The following ITGA1 variants were observed in gnomAD, a reference collection of about 807,000 sequenced individuals.
The protein encoded by ITGA1 is integrin subunit alpha 1, also known as integrin alpha-1.
Under a neutral mutation model 145.9 loss-of-function variants are expected in ITGA1, and 85 were observed. That is an observed-to-expected ratio of 0.58 (90% CI 0.49 to 0.70). ITGA1 has a LOEUF of 0.70. Among genes scored for constraint, ITGA1 ranks in the 30% least tolerant of loss-of-function variants. The pLI, the probability that ITGA1 is intolerant of heterozygous loss-of-function variation, is 0.00. For missense variants in ITGA1, 1,351 were observed against 1,418.7 expected, an observed-to-expected ratio of 0.95 and a Z score of 0.77; for synonymous variants, 520 against 495.3, an observed-to-expected ratio of 1.05 and a Z score of -0.66.
At chr5:52,871,470 A>G (rs879866838) in intron 6 of ITGA1, among the ~76,000 whole-genome samples, 3 of 152,174 alleles carry the variant, frequency 2.0e-5, no homozygotes, top group Non-Finnish European at 4.4e-5. Flanking sequence ...GATTAGTTAC[A>G]CATTTGGTAC....
chr5:52,817,239 G>C (rs193267364), intron 1 of ITGA1, among the ~76,000 whole-genome samples: 51 of 152,272 alleles, frequency 3.3e-4, no homozygotes, highest in African/African-American at 1.2e-3. Context: ...GAATACCAGA[G>C]GTAGAGAAGG....
chr5:52,849,241 T>A (rs1749387887), intron 1 of ITGA1, 124 bp from the exon 2 acceptor site: 1 of 792,030 alleles, frequency 1.3e-6, no homozygotes, highest in African/African-American at 1.7e-5. Flanking sequence ...TTTTCATTCT[T>A]TGAGCTTCTT....
In ITGA1 at chr5:52,939,824, C is replaced by G. The variant is rs374902653; in HGVS notation, c.3181-16C>G. The G allele has an allele frequency of 1.3e-6, 2 of 1,538,314 alleles. No individual in the cohort carries two copies. Among genetic ancestry groups the G allele is most frequent in the African/African-American group, 1.4e-5 (1 of 73,450 alleles). ...ACGGCAAGAATACTGATATGTATCTCTGGACATTTAAACAGGACTGCAATA... is the reference window on the plus strand; with the variant it reads ...ACGGCAAGAATACTGATATGTATCTGTGGACATTTAAACAGGACTGCAATA... On this transcript the variant is annotated splice_polypyrimidine_tract_variant and intron_variant, in intron 25 of 28. Transcript: ENST00000282588.
At chr5:52,803,925 G>GT (rs1157656724) in intron 1 of ITGA1, 2 of 152,136 alleles carry the variant, frequency 1.3e-5, no homozygotes, top group Admixed American at 6.5e-5. Context: ...AAAGATTTGA[G>GT]TATTAAGGTC....
At chr5:52,835,792 CA>C (rs1749153411) in intron 1 of ITGA1, among the ~76,000 whole-genome samples, 1 of 152,080 alleles carries the variant, frequency 6.6e-6, no homozygotes, top group Non-Finnish European at 1.5e-5. Context: ...AGATTCAAAT[CA>C]CAACTTAAAA....
chr5:52,872,305 T>A (rs1471534191), intron 6 of ITGA1, among the ~76,000 whole-genome samples: 1 of 152,132 alleles, frequency 6.6e-6, no homozygotes, highest in Non-Finnish European at 1.5e-5. Flanking sequence ...CTGCTTACAG[T>A]TTCCGAATGT....
chr5:52,847,754 C>A (rs1749360203), intron 1 of ITGA1, among the ~76,000 whole-genome samples: 1 of 152,194 alleles, frequency 6.6e-6, no homozygotes, highest in Admixed American at 6.5e-5. Context: ...GGGATTTCAT[C>A]CTGTTGACCA....
At chr5:52,824,726 C>T (rs1748934237) in intron 1 of ITGA1, 1 of 152,120 alleles carries the variant, frequency 6.6e-6, no homozygotes, top group Admixed American at 6.6e-5. Flanking sequence ...AGAGAAGATA[C>T]TTTTAAATTT....
intron 1 of ITGA1, chr5:52,800,791 T>C: frequency 6.2e-7 from 1 of 1,613,526 alleles, no homozygotes; most frequent in Non-Finnish European, 8.5e-7. Context: ...TGACCCAGCC[T>C]GGAGCGCTGA....
intron 12 of ITGA1, 71 bp downstream of exon 12, chr5:52,905,979 C>T: frequency 7.2e-7 from 1 of 1,389,970 alleles, no homozygotes; most frequent in South Asian, 1.4e-5. Flanking sequence ...TGTCTATTGT[C>T]CTAAACTTAA....
intron 1 of ITGA1, among the ~76,000 whole-genome samples, chr5:52,806,293 G>T (rs1448052889): frequency 1.3e-5 from 2 of 151,458 alleles, no homozygotes; most frequent in African/African-American, 4.9e-5. Context: ...AATCAATTAT[G>T]CCTTTTTAGG....
chr5:52,881,186 C>T (rs1749951749), intron 6 of ITGA1, among the ~76,000 whole-genome samples: 1 of 152,202 alleles, frequency 6.6e-6, no homozygotes, highest in South Asian at 2.1e-4. Context: ...GCTCACTGCT[C>T]AAGTGTGTAA....
intron 6 of ITGA1, among the ~76,000 whole-genome samples, chr5:52,876,200 T>C (rs555797209): frequency 1.3e-5 from 2 of 152,208 alleles, no homozygotes; most frequent in Non-Finnish European, 2.9e-5. Flanking sequence ...TACATACATT[T>C]ACATTATGCT....
At chr5:52,800,190 C>T (rs756416655) in intron 1 of ITGA1, 2 of 593,540 alleles carry the variant, frequency 3.4e-6, no homozygotes, top group Non-Finnish European at 6.0e-6. Context: ...CGCAGCGCGC[C>T]GGGAGACTGA....
intron 1 of ITGA1, among the ~76,000 whole-genome samples, chr5:52,797,806 T>C (rs2111654634): frequency 6.6e-6 from 1 of 152,286 alleles, no homozygotes; most frequent in East Asian, 1.9e-4. Context: ...GGATAACAAA[T>C]ATTTACCTTA....
chr5:52,945,432 A>G (rs1301572028), intron 27 of ITGA1, among the ~76,000 whole-genome samples: 1 of 152,212 alleles, frequency 6.6e-6, no homozygotes, highest in Non-Finnish European at 1.5e-5. Flanking sequence ...GTGCCTTTAT[A>G]CTGTACAGGA....
chr5:52,822,059 A>G (rs1748888029), intron 1 of ITGA1, among the ~76,000 whole-genome samples: 2 of 152,240 alleles, frequency 1.3e-5, no homozygotes, highest in Admixed American at 6.5e-5. Context: ...AATGTCAACA[A>G]CAAAATTGGC....
intron 17 of ITGA1, among the ~76,000 whole-genome samples, chr5:52,920,886 T>G (rs1750720432): frequency 6.6e-6 from 1 of 152,362 alleles, no homozygotes; most frequent in Admixed American, 6.5e-5. Context: ...GGCTGTATGC[T>G]TTCTGGGATC....
At chr5:52,950,137 C>T (rs549959610) in intron 28 of ITGA1, among the ~76,000 whole-genome samples, 40 of 152,216 alleles carry the variant, frequency 2.6e-4, no homozygotes, top group African/African-American at 9.2e-4. Flanking sequence ...TTGTAGGGGA[C>T]GTAGGTTTAA....
Sources: gnomAD v4.1 joint callset for allele counts (sites outside exome capture counted in the v4.1 genomes callset) on GRCh38, gnomAD v4.1.1 for gene constraint, MANE v1.5 for transcripts, NCBI Gene and HGNC (gene_info 2026-07-23, HGNC 2026-07-21) for gene names.